TIAM1: variants seen among roughly 807,000 people sequenced by gnomAD.
The protein encoded by TIAM1 is rho guanine nucleotide exchange factor TIAM1.
In TIAM1, 65 loss-of-function variants were observed where a neutral mutation model predicts 163.5. The observed-to-expected ratio is 0.40, with a 90% CI of 0.33 to 0.49. The LOEUF is 0.49. TIAM1 is among the 20% of genes least tolerant of loss of function. The probability of loss-of-function intolerance (pLI) is 0.77; values close to 1 mark genes in which losing one functional copy is unlikely to be tolerated. For synonymous variants in TIAM1, 833 were observed against 810.1 expected (o/e 1.03, Z -0.48); for missense variants, 1,789 against 2,044.7 (o/e 0.87, Z 2.41).
chr21:31,392,496 G>C (rs2076982974), intron 2 of TIAM1, among the ~76,000 whole-genome samples: 1 of 151,364 alleles, frequency 6.6e-6, no homozygotes, highest in Admixed American at 6.6e-5. Flanking sequence ...CTTGAACCCG[G>C]GAGGCAAAGG....
chr21:31,310,572 C>T (rs778116643), intron 2 of TIAM1, among the ~76,000 whole-genome samples: 1 of 152,110 alleles, frequency 6.6e-6, no homozygotes, highest in Non-Finnish European at 1.5e-5. Context: ...GGAAATTTAC[C>T]CCCATGGAGG....
chr21:31,228,836 C>T (rs560264683), intron 6 of TIAM1, among the ~76,000 whole-genome samples: 5 of 152,166 alleles, frequency 3.3e-5, no homozygotes, highest in South Asian at 2.1e-4. Flanking sequence ...CCTCAGGAAA[C>T]GTACAATCAT....
intron 15 of TIAM1, among the ~76,000 whole-genome samples, chr21:31,176,110 G>A (rs984884982): frequency 2.0e-5 from 3 of 152,130 alleles, no homozygotes; most frequent in South Asian, 2.1e-4. Context: ...GGGAGGTGGC[G>A]TACTATTGTC....
intron 20 of TIAM1, among the ~76,000 whole-genome samples, chr21:31,144,976 G>A (rs2083044747): frequency 1.3e-5 from 2 of 151,956 alleles, no homozygotes; most frequent in African/African-American, 4.8e-5. Context: ...CTAATTGAGT[G>A]ATTAAAAATA....
intron 2 of TIAM1, among the ~76,000 whole-genome samples, chr21:31,366,439 T>C (rs1034538215): frequency 1.3e-4 from 20 of 152,178 alleles, no homozygotes; most frequent in African/African-American, 4.8e-4. Context: ...TGGGAATTGA[T>C]GGGCAATGAA....
intron 2 of TIAM1, among the ~76,000 whole-genome samples, chr21:31,281,894 G>A (rs932696937): frequency 1.3e-5 from 2 of 152,142 alleles, no homozygotes; most frequent in African/African-American, 4.8e-5. Context: ...TGGGCAGATG[G>A]ATGGATGTAG....
chr21:31,297,954 T>C (rs147794211), intron 2 of TIAM1, among the ~76,000 whole-genome samples: 3 of 152,258 alleles, frequency 2.0e-5, no homozygotes, highest in African/African-American at 7.2e-5. Context: ...ATAAAAACAT[T>C]AGAGGGTGTA....
At chr21:31,137,536 G>A (rs1054181691) in intron 22 of TIAM1, among the ~76,000 whole-genome samples, 1 of 151,908 alleles carries the variant, frequency 6.6e-6, no homozygotes, top group African/African-American at 2.4e-5. Flanking sequence ...AATTCCCAGA[G>A]GCCACAGCCC....
intron 2 of TIAM1, among the ~76,000 whole-genome samples, chr21:31,397,877 C>CAGAT (rs2077099437): frequency 6.6e-6 from 1 of 152,188 alleles, no homozygotes; most frequent in South Asian, 2.1e-4. Context: ...TAACCATTTA[C>CAGAT]AGATAACAAA....
chr21:31,187,046 G>A lies in TIAM1; in HGVS notation c.2617C>T (p.Leu873=), dbSNP rs769100229. 16 of 1,613,962 alleles carry A rather than the reference G, an allele frequency of 9.9e-6. No homozygotes were observed. Among genetic ancestry groups the A allele is most frequent in the Non-Finnish European group, 1.7e-6 (2 of 1,180,010 alleles). ...SSVEEDGIRR[L]YVNSVKETGL... ...GTTTCCTTCACACTATTCACGTACA[G>A]CCTTCGAATACCATCTTCTTCCACA... is the stretch of plus-strand genomic sequence containing the variant. The change falls in exon 14 of 28, where the codon CTG becomes TTG. Residue 873 remains leucine, a synonymous_variant. Transcript: ENST00000541036.
intron 2 of TIAM1, among the ~76,000 whole-genome samples, chr21:31,417,890 G>C (rs2043428494): frequency 6.6e-6 from 1 of 152,074 alleles, no homozygotes; most frequent in Admixed American, 6.5e-5. Context: ...GCTTGAGGCT[G>C]GCACTTGCCA....
chr21:31,252,262 A>T, intron 4 of TIAM1, 73 bp from the exon 5 acceptor site: 2 of 1,497,646 alleles, frequency 1.3e-6, no homozygotes, highest in Non-Finnish European at 1.8e-6. Flanking sequence ...CGTGGAGAAG[A>T]GCCCTGGGTC....
chr21:31,432,945 T>C (rs1416868666), intron 2 of TIAM1, among the ~76,000 whole-genome samples: 2 of 152,100 alleles, frequency 1.3e-5, no homozygotes, highest in African/African-American at 4.8e-5. Flanking sequence ...AAAAGGGGCA[T>C]TGGAGGGGAC....
At chr21:31,253,753 C>T (rs2071944969) in intron 4 of TIAM1, among the ~76,000 whole-genome samples, 1 of 152,122 alleles carries the variant, frequency 6.6e-6, no homozygotes, top group Non-Finnish European at 1.5e-5. Context: ...CCTATAACTG[C>T]TGGTTCCCAC....
chr21:31,152,830 T>C, intron 18 of TIAM1, 69 bp from the exon 19 acceptor site: 1 of 1,552,274 alleles, frequency 6.4e-7, no homozygotes, highest in Non-Finnish European at 8.7e-7. Flanking sequence ...TTATATCTGA[T>C]TACAAGGTTT....
chr21:31,428,062 T>A (rs2147272438), intron 2 of TIAM1, among the ~76,000 whole-genome samples: 1 of 151,830 alleles, frequency 6.6e-6, no homozygotes, highest in South Asian at 2.1e-4. Context: ...AGAAGTTCGA[T>A]ACCAGCCTGA....
At chr21:31,125,242 C>A (rs925452006) in intron 26 of TIAM1, among the ~76,000 whole-genome samples, 5 of 150,138 alleles carry the variant, frequency 3.3e-5, no homozygotes, top group African/African-American at 1.2e-4. Context: ...AAAAAAAGTG[C>A]TTCCTAGGAA....
chr21:31,451,279 G>A (rs530387437), intron 2 of TIAM1, among the ~76,000 whole-genome samples: 4 of 152,252 alleles, frequency 2.6e-5, no homozygotes, highest in Non-Finnish European at 4.4e-5. Flanking sequence ...CAGCAGAGTC[G>A]GCCACGGGGA....
At chr21:31,474,839 C>T (rs1426779412) in intron 1 of TIAM1, among the ~76,000 whole-genome samples, 1 of 151,858 alleles carries the variant, frequency 6.6e-6, no homozygotes, top group Non-Finnish European at 1.5e-5. Context: ...CGCTCCCAGC[C>T]AACCTTTAGC....
Sources: gnomAD v4.1 joint callset for allele counts (sites outside exome capture counted in the v4.1 genomes callset) on GRCh38, gnomAD v4.1.1 for gene constraint, MANE v1.5 for transcripts, NCBI Gene and HGNC (gene_info 2026-07-23, HGNC 2026-07-21) for gene names.